Variants in SLC8A1 observed in about 807,000 individuals in gnomAD.
SLC8A1 encodes the protein solute carrier family 8 member A1.
Under a neutral mutation model 68.3 loss-of-function variants are expected in SLC8A1, and 18 were observed. The observed-to-expected ratio is 0.26, with a 90% confidence interval of 0.18 to 0.39. The LOEUF is 0.39. SLC8A1 is among the 10% of genes least tolerant of loss of function. SLC8A1 has a pLI of 1.00. For missense variants in SLC8A1, 985 were observed against 1,156.7 expected (o/e 0.85, Z 2.15); for synonymous variants, 475 against 415.5 (o/e 1.14, Z -1.74).
chr2:40,192,027 A>G (rs1051816905), intron 2 of SLC8A1, among the ~76,000 whole-genome samples: 1 of 152,176 alleles, frequency 6.6e-6, no homozygotes, highest in Admixed American at 6.5e-5. Flanking sequence ...TAACATTTCA[A>G]TTTAAATATA....
chr2:40,317,437 GATAAAA>G (rs1392448516), intron 2 of SLC8A1, among the ~76,000 whole-genome samples: 1 of 152,000 alleles, frequency 6.6e-6, no homozygotes, highest in African/African-American at 2.4e-5. Flanking sequence ...GGCAAGCACT[GATAAAA>G]ATAAAAAGCT....
chr2:40,267,137 G>A (rs2065453966), intron 2 of SLC8A1, among the ~76,000 whole-genome samples: 1 of 152,182 alleles, frequency 6.6e-6, no homozygotes, highest in African/African-American at 2.4e-5. Context: ...ATAATGGTGA[G>A]GCAATTTCAT....
upstream of SLC8A1, chr2:40,452,184 C>CCGCG (rs1366290226): frequency 3.4e-5 from 5 of 146,264 alleles, no homozygotes; most frequent in Non-Finnish European, 3.0e-5. Context: ...CCCCTCCCTC[C>CCGCG]CGCGCACACT....
intron 2 of SLC8A1, among the ~76,000 whole-genome samples, chr2:40,427,491 CCTCCCTCCCTCT>C (rs2149776653): frequency 6.6e-6 from 1 of 152,034 alleles, no homozygotes; most frequent in East Asian, 1.9e-4. Context: ...TTATAGTCAG[CCTCCCTCCCTCT>C]CTCCCTCCCT....
intron 2 of SLC8A1, among the ~76,000 whole-genome samples, chr2:40,416,077 C>G (rs1470504028): frequency 8.4e-6 from 1 of 119,498 alleles, no homozygotes; most frequent in Non-Finnish European, 1.8e-5. Context: ...AAAAAAAAAG[C>G]AACCTCTCCA....
chr2:40,139,725 G>T (rs757657095), intron 6 of SLC8A1, 49 bp from the exon 10 acceptor site: 5 of 1,576,790 alleles, frequency 3.2e-6, no homozygotes, highest in East Asian at 2.2e-5. Flanking sequence ...GTGTTGCCGG[G>T]TCTTCCTCTC....
chr2:40,356,165 C>T lies in SLC8A1; in HGVS notation c.1808+72308G>A, dbSNP rs1197414332. Among the ~76,000 whole-genome samples, 3 of 152,192 alleles carry T rather than the reference C, an allele frequency of 2.0e-5. No homozygotes were observed. In the East Asian group the frequency reaches 5.8e-4, roughly 29 times the overall value. On this transcript the variant is annotated intron_variant, in intron 2 of 7. Coordinates refer to ENST00000406785, the Ensembl canonical transcript of SLC8A1. ...CTACCCACCCCCAGTTAAACAGTTCCTTCCACAGATATCAAACATTACCCT... is the reference window on the plus strand; with the variant it reads ...CTACCCACCCCCAGTTAAACAGTTCTTTCCACAGATATCAAACATTACCCT...
intron 2 of SLC8A1, among the ~76,000 whole-genome samples, chr2:40,399,622 T>C (rs1000976695): frequency 6.6e-6 from 1 of 152,148 alleles, no homozygotes; most frequent in Non-Finnish European, 1.5e-5. Flanking sequence ...GGCCTTAAAT[T>C]GTTATGTTAC....
At chr2:40,385,566 C>T (rs1262443916) in intron 2 of SLC8A1, among the ~76,000 whole-genome samples, 2 of 150,848 alleles carry the variant, frequency 1.3e-5, no homozygotes, top group African/African-American at 2.5e-5. Flanking sequence ...GTTATCATAT[C>T]AACAAGGAAA....
At chr2:40,465,766 C>T (rs1257814903) in intron 1 of SLC8A1, among the ~76,000 whole-genome samples, 1 of 152,046 alleles carries the variant, frequency 6.6e-6, no homozygotes, top group African/African-American at 2.4e-5. Context: ...AATGTGTCCC[C>T]TAAAATTTAT....
intron 1 of SLC8A1, among the ~76,000 whole-genome samples, chr2:40,450,829 A>G (rs1702312496): frequency 6.6e-6 from 1 of 152,226 alleles, no homozygotes. Context: ...TGCGTACAAC[A>G]TGCACATTGC....
At position 40,160,816 on chromosome 2, in the gene SLC8A1, C is replaced by T. The variant is rs747141028; in HGVS notation, c.2110G>A (p.Gly704Arg). The stretch of plus-strand genomic sequence containing the variant: ...AACTGTTCTCTCCAGCTGTTAGTCC[C>T]AACCACAAGGGCCAGGTTTGTCTTC... Residue 704 changes from glycine to arginine, a missense_variant, in exon 6 of 8, where the codon GGG (glycine) becomes AGG (arginine). Physicochemically the swap from Gly to Arg is moderately radical, Grantham distance 125. Around this residue, in one of 5 missense-constraint regions of SLC8A1, gnomAD observed 584 missense variants for 565.9 expected, o/e 1.03. Transcript: ENST00000406785. 1.9e-6 allele frequency: 3 copies of T among 1,613,166 alleles called. No homozygotes were observed. In the African/African-American group the frequency reaches 4.0e-5, roughly 22 times the overall value.
chr2:40,253,224 TATAC>T (rs1193198565), intron 2 of SLC8A1, among the ~76,000 whole-genome samples: 2 of 148,566 alleles, frequency 1.3e-5, no homozygotes, highest in Admixed American at 6.7e-5. Context: ...CATATTTACA[TATAC>T]ATACATGTGC....
intron 2 of SLC8A1, among the ~76,000 whole-genome samples, chr2:40,187,600 T>C (rs1469186901): frequency 2.0e-5 from 3 of 152,198 alleles, no homozygotes; most frequent in Non-Finnish European, 4.4e-5. Flanking sequence ...CAGTTCATTT[T>C]GTCAAATGCA....
intron 2 of SLC8A1, among the ~76,000 whole-genome samples, chr2:40,403,311 A>C (rs952264193): frequency 1.4e-4 from 21 of 152,218 alleles, no homozygotes; most frequent in African/African-American, 5.1e-4. Flanking sequence ...TTAATTACTT[A>C]AGGAGGAAAT....
At chr2:40,404,521 T>C (rs577818654) in intron 2 of SLC8A1, among the ~76,000 whole-genome samples, 1 of 152,170 alleles carries the variant, frequency 6.6e-6, no homozygotes, top group African/African-American at 2.4e-5. Context: ...CCCAAGAGTT[T>C]GTGCATGTTG....
intron 2 of SLC8A1, among the ~76,000 whole-genome samples, chr2:40,315,157 G>A (rs543029124): frequency 1.3e-5 from 2 of 151,896 alleles, no homozygotes; most frequent in South Asian, 2.1e-4. Flanking sequence ...GGTTGAAGAA[G>A]TTCCCACTAT....
chr2:40,292,260 G>A (rs1348620354), intron 2 of SLC8A1, among the ~76,000 whole-genome samples: 2 of 152,104 alleles, frequency 1.3e-5, no homozygotes, highest in East Asian at 1.9e-4. Context: ...TGATGCTAAT[G>A]TACACAAGAG....
chr2:40,191,438 T>C (rs1332387652), intron 2 of SLC8A1, among the ~76,000 whole-genome samples: 1 of 152,228 alleles, frequency 6.6e-6, no homozygotes, highest in African/African-American at 2.4e-5. Context: ...AATTTAGCTA[T>C]TTACTGGTAC....
Sources: allele counts gnomAD v4.1 joint callset (sites outside exome capture counted in the v4.1 genomes callset), GRCh38; gene constraint gnomAD v4.1.1; regional missense constraint gnomAD v4.1.1; transcripts MANE v1.5; gene names NCBI Gene and HGNC (gene_info 2026-07-23, HGNC 2026-07-21).